SEZ6L: variants seen among roughly 807,000 people sequenced by gnomAD.
The protein encoded by SEZ6L is seizure related 6 homolog like.
In SEZ6L, 37 loss-of-function variants were observed where a neutral mutation model predicts 106.2. That is an observed-to-expected ratio of 0.35 (90% confidence interval 0.27 to 0.46). The LOEUF (loss-of-function observed/expected upper bound fraction) is 0.46, where lower values mean the gene tolerates loss of function less well. Ranked by LOEUF, SEZ6L falls within the 20% of genes least tolerant of loss-of-function variation. The pLI is 1.00. For missense variants in SEZ6L, 1,172 were observed against 1,332.8 expected (o/e 0.88, Z 1.88); for synonymous variants, 541 against 570.4 (o/e 0.95, Z 0.73).
intron 9 of SEZ6L, among the ~76,000 whole-genome samples, chr22:26,337,738 CAT>C (rs1353775013): frequency 3.9e-5 from 6 of 152,086 alleles, no homozygotes; most frequent in African/African-American, 7.2e-5. Flanking sequence ...GTCTTGAAGA[CAT>C]GTGTGCAAAG....
intron 1 of SEZ6L, among the ~76,000 whole-genome samples, chr22:26,233,055 A>T (rs901642690): frequency 1.3e-5 from 2 of 152,222 alleles, no homozygotes; most frequent in South Asian, 2.1e-4. Flanking sequence ...CAGAGACACA[A>T]ATTTTCCATT....
chr22:26,232,392 A>G (rs2078828883), intron 1 of SEZ6L, among the ~76,000 whole-genome samples: 1 of 143,304 alleles, frequency 7.0e-6, no homozygotes, highest in African/African-American at 2.6e-5. Context: ...ACACACACAC[A>G]CACTAAGAGC....
At chr22:26,185,550 G>A (rs7290215) in intron 1 of SEZ6L, among the ~76,000 whole-genome samples, 31,712 of 151,974 alleles carry the variant, frequency 0.21, 3,522 homozygotes, top group Non-Finnish European at 0.25. Context: ...CTACTGAGTC[G>A]GACCCATGAT....
At chr22:26,243,299 T>C (rs558900667) in intron 1 of SEZ6L, among the ~76,000 whole-genome samples, 196 of 152,330 alleles carry the variant, frequency 1.3e-3, no homozygotes, top group African/African-American at 3.2e-3. Context: ...CAAATATCCA[T>C]TGAATTTATC....
Position 26,270,463 on chromosome 22 carries a change from GGTGTGTGT to G in SEZ6L, c.95-21916_95-21909del, listed in dbSNP as rs60049781. ...GATGTTGGTGCTGACAATTGTGAGG[GGTGTGTGT>G]GTGTGTGTGTGTGTGTGTGTGTGTG... On this transcript the variant is annotated intron_variant, in intron 1 of 16. Coordinates refer to ENST00000248933, the MANE Select transcript of SEZ6L (RefSeq NM_021115.5). Among the ~76,000 whole-genome samples the G allele has an allele frequency of 1.0e-3, 150 of 146,356 alleles. 1 individual carries two copies. The highest frequency in any genetic ancestry group is 3.2e-3 in the African/African-American group (127 of 39,702).
intron 11 of SEZ6L, among the ~76,000 whole-genome samples, chr22:26,349,430 T>C (rs563091615): frequency 3.3e-5 from 5 of 152,366 alleles, no homozygotes; most frequent in African/African-American, 1.2e-4. Context: ...TTTGATGATG[T>C]TACTCTTTGG....
chr22:26,236,906 A>G (rs2078973839), intron 1 of SEZ6L, among the ~76,000 whole-genome samples: 1 of 151,968 alleles, frequency 6.6e-6, no homozygotes, highest in South Asian at 2.1e-4. Flanking sequence ...AGTCCCCCTA[A>G]CACACCAGCC....
chr22:26,216,954 G>A (rs2078316348), intron 1 of SEZ6L, among the ~76,000 whole-genome samples: 1 of 152,146 alleles, frequency 6.6e-6, no homozygotes, highest in Non-Finnish European at 1.5e-5. Flanking sequence ...ACCCCTTGAT[G>A]TCTGGTGTCA....
chr22:26,259,139 G>A (rs2079918800), intron 1 of SEZ6L, among the ~76,000 whole-genome samples: 1 of 152,128 alleles, frequency 6.6e-6, no homozygotes, highest in African/African-American at 2.4e-5. Context: ...GCTTGAGCTA[G>A]GACTACCACA....
chr22:26,256,700 A>G (rs535346458), intron 1 of SEZ6L, among the ~76,000 whole-genome samples: 30 of 152,348 alleles, frequency 2.0e-4, no homozygotes, highest in African/African-American at 6.3e-4. Flanking sequence ...CAGCAGCATC[A>G]GCATCACCTG....
Position 26,292,927 on chromosome 22 carries a change from A to T in SEZ6L, c.616A>T (p.Thr206Ser). 6.2e-7 allele frequency: 1 copy of T among 1,613,956 alleles called. No individual in the cohort carries two copies. Among genetic ancestry groups the T allele is most frequent in the Non-Finnish European group, 8.5e-7 (1 of 1,179,944 alleles). Residue 206 changes from threonine to serine, a missense_variant, in exon 2 of 17, where the codon ACT becomes TCT. Thr to Ser is a moderately conservative substitution (Grantham distance 58). This residue lies in a region of SEZ6L where 494 missense variants were observed against 445.8 expected (regional missense o/e 1.11). Transcript: ENST00000248933. ...CGCACCCCTGCAAATCTCCCCCTTCACTTCGCAGCCCTATGTGGCCCACAC... is the reference window on the plus strand; with the variant it reads ...CGCACCCCTGCAAATCTCCCCCTTCTCTTCGCAGCCCTATGTGGCCCACAC... ...TPAPLQISPFTSQPYVAHTLP... is the reference protein window; with the variant it reads ...TPAPLQISPFSSQPYVAHTLP...
intron 1 of SEZ6L, among the ~76,000 whole-genome samples, chr22:26,221,705 T>C (rs1042628930): frequency 6.6e-6 from 1 of 151,978 alleles, no homozygotes; most frequent in Non-Finnish European, 1.5e-5. Flanking sequence ...GTACCTGGTG[T>C]GTGTGCACCT....
intron 1 of SEZ6L, among the ~76,000 whole-genome samples, chr22:26,242,063 C>G (rs746421890): frequency 6.6e-6 from 1 of 152,194 alleles, no homozygotes; most frequent in Admixed American, 6.5e-5. Flanking sequence ...CTCCAGAGCT[C>G]AAAGACAAGG....
intron 13 of SEZ6L, among the ~76,000 whole-genome samples, chr22:26,369,917 T>C (rs1399873369): frequency 3.3e-5 from 5 of 151,040 alleles, no homozygotes; most frequent in Non-Finnish European, 7.4e-5. Flanking sequence ...ATACCCGACC[T>C]GAATTTATTT....
At chr22:26,319,627 T>A (rs905449936) in intron 9 of SEZ6L, among the ~76,000 whole-genome samples, 10 of 152,172 alleles carry the variant, frequency 6.6e-5, no homozygotes, top group African/African-American at 2.2e-4. Context: ...TTGCTCCCCA[T>A]CTCTCCATCC....
At chr22:26,290,194 C>T (rs951285042) in intron 1 of SEZ6L, among the ~76,000 whole-genome samples, 1 of 152,152 alleles carries the variant, frequency 6.6e-6, no homozygotes, top group African/African-American at 2.4e-5. Flanking sequence ...AGCTGGTTTC[C>T]AGCACCATTC....
intron 1 of SEZ6L, among the ~76,000 whole-genome samples, chr22:26,173,256 A>G (rs1938746949): frequency 6.6e-6 from 1 of 152,228 alleles, no homozygotes; most frequent in Non-Finnish European, 1.5e-5. Flanking sequence ...AACTGCTCCT[A>G]TTAGTAGACA....
intron 1 of SEZ6L, among the ~76,000 whole-genome samples, chr22:26,230,311 C>T (rs573693704): frequency 1.4e-5 from 2 of 138,178 alleles, no homozygotes; most frequent in East Asian, 2.2e-4. Context: ...ACTCCTTAAC[C>T]ATAAAGGTAA....
intron 11 of SEZ6L, among the ~76,000 whole-genome samples, chr22:26,349,675 A>G (rs191194507): frequency 1.9e-3 from 288 of 152,268 alleles, no homozygotes; most frequent in African/African-American, 6.7e-3. Context: ...TAATTTTTAA[A>G]AATTTTTTGT....
Sources: gnomAD v4.1 joint callset for allele counts (sites outside exome capture counted in the v4.1 genomes callset) on GRCh38, gnomAD v4.1.1 for gene constraint, gnomAD v4.1.1 regional missense constraint, MANE v1.5 for transcripts, NCBI Gene and HGNC (gene_info 2026-07-23, HGNC 2026-07-21) for gene names.